Variants in FCHO2 observed in about 807,000 individuals in gnomAD.
FCHO2 encodes the protein FCH and mu domain containing endocytic adaptor 2, also known as F-BAR domain only protein 2.
A neutral mutation model predicts 114.1 loss-of-function variants in FCHO2; 43 were observed. The ratio of observed to expected loss-of-function variants is 0.38; its 90% CI spans 0.30 to 0.49. FCHO2 has a LOEUF of 0.49. FCHO2 is among the 20% of genes least tolerant of loss of function. The pLI is 0.97. For synonymous variants in FCHO2, 293 were observed against 315.2 expected (o/e 0.93, Z 0.75); for missense variants, 807 against 950.4 (o/e 0.85, Z 1.98).
chr5:73,071,337 T>C (rs999299142), intron 19 of FCHO2, among the ~76,000 whole-genome samples: 35 of 151,920 alleles, frequency 2.3e-4, no homozygotes, highest in African/African-American at 8.0e-4. Context: ...AAACCTCTAA[T>C]ACCTAAATTA....
chr5:72,987,941 T>A (rs892860660), intron 2 of FCHO2, among the ~76,000 whole-genome samples: 2 of 152,166 alleles, frequency 1.3e-5, no homozygotes, highest in Non-Finnish European at 2.9e-5. Flanking sequence ...ATCTTAATTA[T>A]GTTTGGGGCA....
chr5:73,056,491 T>G (rs1289527013), intron 16 of FCHO2, among the ~76,000 whole-genome samples: 5 of 152,222 alleles, frequency 3.3e-5, no homozygotes, highest in African/African-American at 1.2e-4. Flanking sequence ...TTTGTCTTTT[T>G]TTCTAGAGTT....
At chr5:72,981,129 G>A (rs1217584664) in intron 2 of FCHO2, among the ~76,000 whole-genome samples, 2 of 152,148 alleles carry the variant, frequency 1.3e-5, no homozygotes, top group Non-Finnish European at 2.9e-5. Flanking sequence ...GCTCTTGTAA[G>A]ACTGGCCTGG....
chr5:73,086,927 C>T (rs1743332249), intron 24 of FCHO2, among the ~76,000 whole-genome samples: 2 of 152,162 alleles, frequency 1.3e-5, no homozygotes. Flanking sequence ...CCATCATCCC[C>T]ACCACCATTT....
chr5:72,962,652 T>C (rs988110111), intron 1 of FCHO2, among the ~76,000 whole-genome samples: 2 of 152,118 alleles, frequency 1.3e-5, no homozygotes, highest in African/African-American at 4.8e-5. Context: ...CCCAGCACTT[T>C]GGGAAGCTGA....
intron 5 of FCHO2, among the ~76,000 whole-genome samples, chr5:73,004,345 T>C (rs1039148321): frequency 2.6e-5 from 4 of 152,064 alleles, no homozygotes; most frequent in African/African-American, 9.7e-5. Context: ...TGGTATAAAA[T>C]AATGTCAGCT....
chr5:73,007,892 T>G (rs1754804798), intron 6 of FCHO2, among the ~76,000 whole-genome samples: 2 of 152,164 alleles, frequency 1.3e-5, no homozygotes, highest in African/African-American at 4.8e-5. Context: ...GAAAGGCCTT[T>G]TAAGATAAGT....
At chr5:73,052,737 A>G in intron 13 of FCHO2, 2 of 433,030 alleles carry the variant, frequency 4.6e-6, no homozygotes, top group South Asian at 6.4e-5. Flanking sequence ...TGCATTTCAT[A>G]AACAGTGCTG....
chr5:72,978,454 A>AT (rs1393638331), intron 2 of FCHO2, among the ~76,000 whole-genome samples: 1 of 152,106 alleles, frequency 6.6e-6, no homozygotes, highest in African/African-American at 2.4e-5. Flanking sequence ...TTGCACATTG[A>AT]TTTTGTATCC....
intron 7 of FCHO2, among the ~76,000 whole-genome samples, chr5:73,016,292 T>TTTAAAAAATATTTTAAATTGTTTAAATA (rs1380206906): frequency 0.031 from 4,507 of 146,902 alleles, 1 homozygote; most frequent in African/African-American, 0.043. Context: ...CTACACAAAA[T>TTTAAAAAATATTTTAAATTGTTTAAATA]TTAAAAAATA....
At chr5:73,064,695 A>G (rs1580190959) in intron 18 of FCHO2, among the ~76,000 whole-genome samples, 1 of 152,096 alleles carries the variant, frequency 6.6e-6, no homozygotes, top group East Asian at 1.9e-4. Context: ...CTAACTGTCC[A>G]TCTTTCTCCC....
intron 8 of FCHO2, chr5:73,020,770 G>A: frequency 9.6e-7 from 1 of 1,041,348 alleles, no homozygotes; most frequent in Non-Finnish European, 1.5e-6. Context: ...TTCTGTGAGA[G>A]ATATGGCACT....
At chr5:72,989,344 G>T in intron 2 of FCHO2, 83 bp from the exon 3 acceptor site, 1 of 959,042 alleles carries the variant, frequency 1.0e-6, no homozygotes, top group African/African-American at 1.7e-5. Context: ...TTTTTGTTTT[G>T]CACTTTTAAT....
chr5:73,053,555 C>G (rs935599074), intron 13 of FCHO2, among the ~76,000 whole-genome samples: 2 of 151,998 alleles, frequency 1.3e-5, no homozygotes, highest in Non-Finnish European at 2.9e-5. Flanking sequence ...ATTAGCCGGT[C>G]GTGGTGGCAT....
intron 1 of FCHO2, among the ~76,000 whole-genome samples, chr5:72,966,508 A>T (rs1752210747): frequency 6.6e-6 from 1 of 152,232 alleles, no homozygotes; most frequent in Non-Finnish European, 1.5e-5. Flanking sequence ...GTTTGGATTC[A>T]CAAGAGGCTG....
intron 8 of FCHO2, chr5:73,034,398 A>G (rs1365475632): frequency 6.3e-6 from 2 of 318,500 alleles, no homozygotes; most frequent in Non-Finnish European, 1.1e-5. Flanking sequence ...TTGTGGCATC[A>G]TATGTAATTG....
chr5:73,027,970 T>A (rs1756031340), intron 8 of FCHO2, among the ~76,000 whole-genome samples: 1 of 152,018 alleles, frequency 6.6e-6, no homozygotes, highest in South Asian at 2.1e-4. Context: ...GGCCAAGATG[T>A]GTGGATTCCT....
At chr5:73,087,561 T>C (rs781628865) in intron 24 of FCHO2, 28 bp from the exon 25 acceptor site, 2 of 1,610,084 alleles carry the variant, frequency 1.2e-6, no homozygotes, top group South Asian at 1.1e-5. Context: ...TTTTACCCTG[T>C]GTAAGTGCTT....
chr5:73,067,165 T>A (rs1013656207), intron 18 of FCHO2, among the ~76,000 whole-genome samples: 7 of 152,056 alleles, frequency 4.6e-5, no homozygotes, highest in Non-Finnish European at 1.0e-4. Context: ...GTAGATAGCA[T>A]AATTCTAAAA....
Sources: allele counts gnomAD v4.1 joint callset (sites outside exome capture counted in the v4.1 genomes callset), GRCh38; gene constraint gnomAD v4.1.1; transcripts MANE v1.5; gene names NCBI Gene and HGNC (gene_info 2026-07-23, HGNC 2026-07-21).